The following MAF variants were observed in gnomAD, a reference collection of about 807,000 sequenced individuals.
The protein encoded by MAF is MAF bZIP transcription factor, also known as transcription factor Maf.
In MAF, 10 loss-of-function variants were observed where a neutral mutation model predicts 22.0. The observed-to-expected ratio is 0.45, with a 90% CI of 0.28 to 0.77. The LOEUF is 0.77. MAF is among the 30% of genes least tolerant of loss of function. MAF has a pLI of 0.12. For synonymous variants in MAF, 337 were observed against 255.8 expected (o/e 1.32, Z -3.03); for missense variants, 544 against 548.4 (o/e 0.99, Z 0.08).
the MAF span, among the ~76,000 whole-genome samples, chr16:79,208,624 T>G: frequency 1.9e-5 from 2 of 103,286 alleles, no homozygotes; most frequent in Non-Finnish European, 4.1e-5. Context: ...ATTAAAGTGC[T>G]CTTTAAATTT....
At chr16:79,590,922 G>A (rs530081852), downstream of MAF, among the ~76,000 whole-genome samples, 4 of 152,154 alleles carry the variant, frequency 2.6e-5, no homozygotes, top group East Asian at 7.7e-4. Flanking sequence ...AGTCAGAAAC[G>A]CACTTCTACA....
At chr16:79,250,348 G>C in the MAF span, among the ~76,000 whole-genome samples, 2 of 152,256 alleles carry the variant, frequency 1.3e-5, no homozygotes, top group South Asian at 4.1e-4. Flanking sequence ...GCAATCTGCA[G>C]AGAGCAAGAA....
chr16:79,215,143 G>C, the MAF span, among the ~76,000 whole-genome samples: 1 of 152,204 alleles, frequency 6.6e-6, no homozygotes, highest in African/African-American at 2.4e-5. Context: ...TAGAGCTGCA[G>C]TTCACACCCA....
the MAF span, among the ~76,000 whole-genome samples, chr16:79,577,354 T>A: frequency 6.6e-6 from 1 of 152,150 alleles, no homozygotes; most frequent in Non-Finnish European, 1.5e-5. Flanking sequence ...GGGAATCAAC[T>A]GGTCGAGATA....
At chr16:79,404,182 T>TTTTTC in the MAF span, among the ~76,000 whole-genome samples, 1 of 132,582 alleles carries the variant, frequency 7.5e-6, no homozygotes, top group African/African-American at 2.7e-5. Flanking sequence ...TTTTTTTTTT[T>TTTTTC]CAGATGGAGT....
chr16:79,211,630 T>C, the MAF span: 1 of 1,614,206 alleles, frequency 6.2e-7, no homozygotes, highest in Non-Finnish European at 8.5e-7. Context: ...GCCACCACCG[T>C]GTACTGTGCT....
chr16:79,324,188 G>A, the MAF span, among the ~76,000 whole-genome samples: 4,398 of 152,184 alleles, frequency 0.029, 232 homozygotes, highest in African/African-American at 0.1. Context: ...GGCATGAGTA[G>A]CGCCCATTTC....
chr16:79,437,621 G>A, the MAF span, among the ~76,000 whole-genome samples: 1 of 152,000 alleles, frequency 6.6e-6, no homozygotes, highest in East Asian at 1.9e-4. Flanking sequence ...CTGAGGAAAG[G>A]ACACCTCCGA....
chr16:79,517,220 G>C, the MAF span, among the ~76,000 whole-genome samples: 1 of 152,218 alleles, frequency 6.6e-6, no homozygotes, highest in Admixed American at 6.5e-5. Context: ...TCCTCTGTTA[G>C]AGGAAAAAGC....
chr16:79,241,856 A>G, the MAF span, among the ~76,000 whole-genome samples: 1 of 152,074 alleles, frequency 6.6e-6, no homozygotes, highest in Non-Finnish European at 1.5e-5. Flanking sequence ...CTGCAAAAAC[A>G]CTACAAGCCA....
chr16:79,448,880 G>C, the MAF span, among the ~76,000 whole-genome samples: 21 of 152,254 alleles, frequency 1.4e-4, no homozygotes, highest in African/African-American at 4.8e-4. Context: ...CCAGACCTTG[G>C]GGGGAGGCAG....
intron 1 of MAF, chr16:79,595,798 C>T (rs1567563351): frequency 9.5e-7 from 1 of 1,057,174 alleles, no homozygotes; most frequent in Non-Finnish European, 1.1e-6. Flanking sequence ...GAGAAGTTCT[C>T]CACTGAATAT....
At chr16:79,205,209 T>C in the MAF span, 2 of 152,270 alleles carry the variant, frequency 1.3e-5, no homozygotes, top group Non-Finnish European at 2.9e-5. Context: ...TTTGTGGTTG[T>C]GGTCTGTGCT....
the MAF span, among the ~76,000 whole-genome samples, chr16:79,216,185 A>C: frequency 7.1e-6 from 1 of 140,060 alleles, no homozygotes; most frequent in Non-Finnish European, 1.5e-5. Context: ...GTATATGTAT[A>C]TATGTCGTGC....
At chr16:79,452,385 A>C in the MAF span, among the ~76,000 whole-genome samples, 24 of 152,220 alleles carry the variant, frequency 1.6e-4, no homozygotes, top group African/African-American at 5.3e-4. Flanking sequence ...CAATTTAAAT[A>C]AAAGTCTATC....
the MAF span, among the ~76,000 whole-genome samples, chr16:79,427,440 T>G: frequency 1.3e-5 from 2 of 152,358 alleles, 1 homozygote; most frequent in Admixed American, 1.3e-4. Flanking sequence ...ACGATTCTGT[T>G]GTTACTTATT....
chr16:79,389,740 C>A, the MAF span, among the ~76,000 whole-genome samples: 2 of 151,826 alleles, frequency 1.3e-5, no homozygotes, highest in African/African-American at 4.8e-5. Flanking sequence ...ACTTTGGGAG[C>A]CCGACGCGGG....
At chr16:79,533,426 G>A in the MAF span, among the ~76,000 whole-genome samples, 1 of 152,104 alleles carries the variant, frequency 6.6e-6, no homozygotes, top group Non-Finnish European at 1.5e-5. Flanking sequence ...TAATACTACA[G>A]CTTGCTGCTC....
At chr16:79,388,446 G>T in the MAF span, among the ~76,000 whole-genome samples, 1 of 152,162 alleles carries the variant, frequency 6.6e-6, no homozygotes, top group Admixed American at 6.5e-5. Flanking sequence ...ACTATATATA[G>T]TCCATAGGAT....
Sources: gnomAD v4.1 joint callset for allele counts (sites outside exome capture counted in the v4.1 genomes callset) on GRCh38, gnomAD v4.1.1 for gene constraint, MANE v1.5 for transcripts, NCBI Gene and HGNC (gene_info 2026-07-23, HGNC 2026-07-21) for gene names.